Variants in EIF5B observed in about 807,000 individuals in gnomAD.
EIF5B encodes the protein eIF-5B.
A neutral mutation model predicts 147.5 loss-of-function variants in EIF5B; 47 were observed. That is an observed-to-expected ratio of 0.32 (90% CI 0.25 to 0.41). EIF5B has a LOEUF of 0.41. Among genes scored for constraint, EIF5B ranks in the 10% least tolerant of loss-of-function variants. The pLI is 1.00. For synonymous variants in EIF5B, 455 were observed against 456.2 expected (o/e 1.00, Z 0.03); for missense variants, 1,064 against 1,413.2 (o/e 0.75, Z 3.96).
In EIF5B at chr2:99,364,406, C is replaced by T. The variant is rs751918838; in HGVS notation, c.1273C>T (p.Leu425=). ...ARARAEATLK[L]LQAQGVEVPS... Reference sequence around the variant, plus strand: ...AGCCAGAGCCGAAGCTACTCTTAAACTGCTACAAGCTCAGGGTGAGTGGTA... The same window carrying T: ...AGCCAGAGCCGAAGCTACTCTTAAATTGCTACAAGCTCAGGGTGAGTGGTA... Residue 425 remains leucine (L), a synonymous_variant, in exon 6 of 24, where the codon CTG becomes TTG. Transcript: ENST00000289371. The T allele has an allele frequency of 1.9e-6, 3 of 1,599,698 alleles. No individual in the cohort carries two copies. Among genetic ancestry groups the T allele is most frequent in the Non-Finnish European group, 2.6e-6 (3 of 1,175,546 alleles).
chr2:99,346,342 T>G (rs1349110340), intron 1 of EIF5B, among the ~76,000 whole-genome samples: 1 of 152,156 alleles, frequency 6.6e-6, no homozygotes, highest in African/African-American at 2.4e-5. Context: ...ACCAAATTGG[T>G]TATTCAGAAA....
intron 1 of EIF5B, among the ~76,000 whole-genome samples, chr2:99,358,512 G>A (rs999348115): frequency 1.3e-5 from 2 of 152,220 alleles, no homozygotes; most frequent in Non-Finnish European, 2.9e-5. Flanking sequence ...ATCTGTAAAG[G>A]AAGAAGAATG....
chr2:99,351,820 C>CT (rs1673973594), intron 1 of EIF5B, among the ~76,000 whole-genome samples: 1 of 152,078 alleles, frequency 6.6e-6, no homozygotes, highest in Admixed American at 6.5e-5. Context: ...GCCTCAGCCT[C>CT]CTGAGTACCT....
At chr2:99,354,285 T>A (rs964219547) in intron 1 of EIF5B, among the ~76,000 whole-genome samples, 1 of 152,238 alleles carries the variant, frequency 6.6e-6, no homozygotes, top group African/African-American at 2.4e-5. Flanking sequence ...TTAATTTGCA[T>A]TTCCCAAATA....
chr2:99,371,618 A>G (rs1386111700), intron 8 of EIF5B, 38 bp from the exon 9 acceptor site: 4 of 1,575,084 alleles, frequency 2.5e-6, no homozygotes, highest in Non-Finnish European at 3.5e-6. Flanking sequence ...ATATTTCTAA[A>G]TAATTTTTGT....
chr2:99,371,099 G>A (rs1377093261), intron 8 of EIF5B: 5 of 152,130 alleles, frequency 3.3e-5, no homozygotes, highest in Non-Finnish European at 5.9e-5. Flanking sequence ...GAAACAATTA[G>A]CTTGAATGTA....
In EIF5B at chr2:99,376,849, G is replaced by A. The variant is rs539296313; in HGVS notation, c.1842+213G>A. Among the ~76,000 whole-genome samples the A allele has an allele frequency of 1.1e-4, 16 of 152,264 alleles. No individual in the cohort carries two copies. In the East Asian group the frequency reaches 1.9e-3, roughly 18 times the overall value. On this transcript the variant is annotated intron_variant, in intron 10 of 23. Transcript: ENST00000289371. Reference sequence around the variant, plus strand: ...GCTCTTACCTAAGATAGAATGGTGTGACTACTTCATTTTTTTCTTGTTTTC... The same window carrying A: ...GCTCTTACCTAAGATAGAATGGTGTAACTACTTCATTTTTTTCTTGTTTTC...
At chr2:99,367,805 G>C (rs1426699251) in intron 6 of EIF5B, among the ~76,000 whole-genome samples, 3 of 151,970 alleles carry the variant, frequency 2.0e-5, no homozygotes, top group Non-Finnish European at 4.4e-5. Context: ...AGCCACTTTG[G>C]AAAACAACTG....
chr2:99,354,910 C>G (rs1674062840), intron 1 of EIF5B, among the ~76,000 whole-genome samples: 1 of 149,492 alleles, frequency 6.7e-6, no homozygotes, highest in Non-Finnish European at 1.5e-5. Context: ...TCAAGAGATT[C>G]TCCTGCTTCA....
At position 99,379,071 on chromosome 2, in the gene EIF5B, C is replaced by T. The variant is rs1674636830; in HGVS notation, c.1895C>T (p.Pro632Leu). The change falls in exon 11 of 24, where the codon CCT (proline) becomes CTT (leucine). Residue 632 changes from proline (P) to leucine (L), a missense_variant. Around this residue, in one of 4 missense-constraint regions of EIF5B, gnomAD observed 380 missense variants for 715.6 expected, o/e 0.53. Transcript: ENST00000289371. ...KNVNTEKLRA[P>L]IICVLGHVDT... ...GTAAACACCGAAAAGCTAAGAGCCC[C>T]TATTATCTGCGTACTTGGGCATGTG... 11 of 1,603,914 alleles carry T rather than the reference C, an allele frequency of 6.9e-6. No homozygotes were observed. Among genetic ancestry groups the T allele is most frequent in the Non-Finnish European group, 9.4e-6 (11 of 1,176,464 alleles).
At chr2:99,375,487 G>A (rs905244466) in intron 9 of EIF5B, among the ~76,000 whole-genome samples, 1 of 152,192 alleles carries the variant, frequency 6.6e-6, no homozygotes, top group Non-Finnish European at 1.5e-5. Context: ...CAGTAAGGGT[G>A]TAACCCAATG....
chr2:99,381,388 C>T (rs920882589), intron 12 of EIF5B, among the ~76,000 whole-genome samples: 2 of 152,060 alleles, frequency 1.3e-5, no homozygotes, highest in Non-Finnish European at 2.9e-5. Flanking sequence ...TTATGGTGCT[C>T]AGTGAACCAG....
chr2:99,338,922 GTATA>G (rs1553531981), intron 1 of EIF5B, among the ~76,000 whole-genome samples: 3 of 142,298 alleles, frequency 2.1e-5, no homozygotes, highest in Non-Finnish European at 3.0e-5. Flanking sequence ...AGAAGTGTGT[GTATA>G]TATATATATA....
intron 13 of EIF5B, 40 bp downstream of exon 13, chr2:99,382,266 T>A (rs751458416): frequency 4.5e-6 from 7 of 1,568,846 alleles, no homozygotes; most frequent in Non-Finnish European, 6.1e-6. Flanking sequence ...AGCAATCTAC[T>A]TGAAACCATT....
In EIF5B at chr2:99,337,450, G is replaced by C; in HGVS notation, c.-105G>C. 1 of 1,453,194 alleles carries C rather than the reference G, an allele frequency of 6.9e-7. No homozygotes were observed. Among genetic ancestry groups the C allele is most frequent in the South Asian group, 1.2e-5 (1 of 82,386 alleles). 90.0% of individuals were successfully genotyped at this position (1,453,194 alleles called of 1,614,324 possible). ...GGAGAGCCGGGTGCGAGCGGCGGCA[G>C]CACGAGGGGAAAAGAGCTGAGCGGA... is the stretch of plus-strand genomic sequence containing the variant. On this transcript the variant is annotated 5_prime_UTR_variant, in exon 1 of 24. Transcript: ENST00000289371.
At chr2:99,355,617 T>C (rs1190269468) in intron 1 of EIF5B, among the ~76,000 whole-genome samples, 1 of 143,070 alleles carries the variant, frequency 7.0e-6, no homozygotes, top group Non-Finnish European at 1.5e-5. Flanking sequence ...TGGGTTTTTT[T>C]TTTTTTTTTT....
At chr2:99,389,680 A>G (rs767357878) in intron 14 of EIF5B, 38 bp from the exon 15 acceptor site, 1 of 1,571,648 alleles carries the variant, frequency 6.4e-7, no homozygotes, top group Non-Finnish European at 8.6e-7. Context: ...AATGTTCTGA[A>G]TTTTTTAGAG....
chr2:99,399,296 G>A lies in EIF5B; in HGVS notation c.3556-11G>A, dbSNP rs1376612522. The stretch of plus-strand genomic sequence containing the variant: ...GTTCTGTTTACCCTGTTTGTGCCTC[G>A]GGCATTGCAGATCAGCCGGCAGTCC... On this transcript the variant is annotated splice_polypyrimidine_tract_variant and intron_variant, in intron 23 of 23. Coordinates refer to ENST00000289371, the MANE Select transcript of EIF5B (RefSeq NM_015904.4). The A allele has an allele frequency of 6.2e-7, 1 of 1,613,380 alleles. No homozygotes were observed. The highest frequency in any genetic ancestry group is 1.7e-5 in the Admixed American group (1 of 60,018).
At chr2:99,364,920 T>C (rs1217515207) in intron 6 of EIF5B, among the ~76,000 whole-genome samples, 3 of 152,208 alleles carry the variant, frequency 2.0e-5, no homozygotes, top group African/African-American at 7.2e-5. Flanking sequence ...TGCAACAAGA[T>C]ATCCCAGGTT....
Sources: gnomAD v4.1 joint callset for allele counts (sites outside exome capture counted in the v4.1 genomes callset) on GRCh38, gnomAD v4.1.1 for gene constraint, gnomAD v4.1.1 regional missense constraint, MANE v1.5 for transcripts, NCBI Gene and HGNC (gene_info 2026-07-23, HGNC 2026-07-21) for gene names.